Variants in RBM39 observed in about 807,000 individuals in gnomAD.
RBM39 encodes RNA-binding protein 39.
Under a neutral mutation model 79.6 loss-of-function variants are expected in RBM39, and 12 were observed. That is an observed-to-expected ratio of 0.15 (90% CI 0.10 to 0.24). The LOEUF (loss-of-function observed/expected upper bound fraction) is 0.24. RBM39 is among the 10% of genes least tolerant of loss of function. The pLI, the probability that RBM39 is intolerant of heterozygous loss-of-function variation, is 1.00. For missense variants in RBM39, 243 were observed against 653.4 expected, an observed-to-expected ratio of 0.37 and a Z score of 6.85; for synonymous variants, 185 against 208.4, an observed-to-expected ratio of 0.89 and a Z score of 0.97.
chr20:35,724,309 T>TGA (rs59788381), intron 8 of RBM39, among the ~76,000 whole-genome samples: 39,203 of 150,950 alleles, frequency 0.26, 5,896 homozygotes, highest in African/African-American at 0.43. Flanking sequence ...TCCAGCCTGG[T>TGA]GAGAGAGACT....
intron 10 of RBM39, 52 bp from the exon 11 acceptor site, chr20:35,714,441 A>G (rs2036850179): frequency 2.6e-6 from 4 of 1,510,660 alleles, no homozygotes; most frequent in Non-Finnish European, 3.5e-6. Flanking sequence ...TTTTTAAAAT[A>G]CAAACTATAC....
chr20:35,729,209 G>T, intron 6 of RBM39, 103 bp downstream of exon 6: 2 of 1,040,046 alleles, frequency 1.9e-6, no homozygotes, highest in East Asian at 2.6e-5. Context: ...GAAAGCAAAA[G>T]CAAGATTTAA....
chr20:35,705,554 T>C (rs1024896874), intron 14 of RBM39, among the ~76,000 whole-genome samples: 1 of 152,050 alleles, frequency 6.6e-6, no homozygotes, highest in African/African-American at 2.4e-5. Flanking sequence ...TCCCAGCACT[T>C]TGGGAGGCCG....
chr20:35,712,758 AT>A (rs1468827433), intron 12 of RBM39, among the ~76,000 whole-genome samples: 5 of 152,162 alleles, frequency 3.3e-5, no homozygotes, highest in Non-Finnish European at 5.9e-5. Flanking sequence ...AATAAAACTG[AT>A]ATATTTGAAA....
intron 3 of RBM39, among the ~76,000 whole-genome samples, chr20:35,733,607 C>CA (rs761338083): frequency 1.6e-4 from 21 of 128,734 alleles, no homozygotes; most frequent in African/African-American, 4.5e-4. Context: ...AGACTGTCTC[C>CA]AAAAAAAAAG....
intron 13 of RBM39, 71 bp downstream of exon 13, chr20:35,709,153 T>C (rs1448643622): frequency 1.2e-5 from 16 of 1,380,184 alleles, no homozygotes; most frequent in Middle Eastern, 1.9e-4. Context: ...ACAATAAATA[T>C]AGAAAACTGT....
intron 12 of RBM39, among the ~76,000 whole-genome samples, chr20:35,711,817 T>A (rs113189873): frequency 2.0e-5 from 3 of 152,146 alleles, no homozygotes; most frequent in African/African-American, 4.8e-5. Flanking sequence ...AAATCTATCT[T>A]CTCAGTTACA....
At chr20:35,731,818 T>C in intron 4 of RBM39, 123 bp downstream of exon 4, 1 of 934,530 alleles carries the variant, frequency 1.1e-6, no homozygotes, top group South Asian at 1.6e-5. Context: ...TATCCTTAAT[T>C]CAATACTTTT....
At chr20:35,733,296 A>C (rs6119647) in intron 3 of RBM39, among the ~76,000 whole-genome samples, 19 of 143,554 alleles carry the variant, frequency 1.3e-4, no homozygotes, top group Admixed American at 2.1e-4. Context: ...AGAGCAAAAC[A>C]CCATCTCAAA....
chr20:35,718,446 T>G (rs1449736109), intron 9 of RBM39, among the ~76,000 whole-genome samples: 4 of 151,978 alleles, frequency 2.6e-5, no homozygotes. Flanking sequence ...TGAGCTGACA[T>G]GGGCAGACTA....
At chr20:35,732,218 T>C in intron 3 of RBM39, 83 bp from the exon 4 acceptor site, 2 of 1,235,548 alleles carry the variant, frequency 1.6e-6, no homozygotes, top group Non-Finnish European at 2.3e-6. Context: ...GAATCATTTT[T>C]TCATCCTTTC....
intron 12 of RBM39, chr20:35,710,384 T>G (rs911443548): frequency 4.6e-5 from 7 of 152,166 alleles, no homozygotes; most frequent in Non-Finnish European, 8.8e-5. Context: ...ACAGTGTCAA[T>G]AAACTTTAAA....
chr20:35,717,594 G>A (rs1026767138), intron 9 of RBM39, among the ~76,000 whole-genome samples: 1 of 152,112 alleles, frequency 6.6e-6, no homozygotes, highest in Non-Finnish European at 1.5e-5. Flanking sequence ...ACAATTCTGT[G>A]AATTGTACTA....
intron 8 of RBM39, among the ~76,000 whole-genome samples, chr20:35,724,138 C>T (rs1458790102): frequency 6.6e-6 from 1 of 151,994 alleles, no homozygotes; most frequent in Non-Finnish European, 1.5e-5. Context: ...TCAATACTAG[C>T]CTGGCCAACA....
At chr20:35,739,341 G>A in intron 2 of RBM39, 1 of 454,882 alleles carries the variant, frequency 2.2e-6, no homozygotes, top group Non-Finnish European at 4.5e-6. Context: ...CATAAAACAT[G>A]AAGTCCTGTT....
intron 8 of RBM39, among the ~76,000 whole-genome samples, chr20:35,723,819 T>A (rs540799067): frequency 2.0e-5 from 3 of 152,250 alleles, no homozygotes; most frequent in South Asian, 4.1e-4. Context: ...GGCCAGAGGA[T>A]CACTTGAGCA....
rs924187678 is a variant in RBM39, at chr20:35,734,134, G to A, written c.102-1999C>T. The A allele has an allele frequency of 4.5e-6, 5 of 1,120,954 alleles. No individual in the cohort carries two copies. In the African/African-American group the frequency reaches 8.1e-5, roughly 18 times the overall value. The allele number at this position is 1,120,954 out of a possible 1,614,324, so 69.4% of individuals were successfully genotyped here. ...AACTGAGGTCTGCCTCAGAGAACCT[G>A]TAAGCAGGTCATCTTTAGAGTGCAT... On this transcript the variant is annotated intron_variant, in intron 3 of 16. Coordinates refer to ENST00000253363, the MANE Select transcript of RBM39 (RefSeq NM_184234.3).
chr20:35,719,694 G>A (rs2037655821), intron 9 of RBM39, among the ~76,000 whole-genome samples: 1 of 152,116 alleles, frequency 6.6e-6, no homozygotes, highest in Non-Finnish European at 1.5e-5. Flanking sequence ...TTAAGAAATA[G>A]TTTGACAAAT....
chr20:35,710,068 T>C (rs1229696248), intron 12 of RBM39, among the ~76,000 whole-genome samples: 1 of 152,206 alleles, frequency 6.6e-6, no homozygotes, highest in Non-Finnish European at 1.5e-5. Flanking sequence ...AGTGAAACAG[T>C]AGCAAGTCTG....
Sources: allele counts gnomAD v4.1 joint callset (sites outside exome capture counted in the v4.1 genomes callset), GRCh38; gene constraint gnomAD v4.1.1; transcripts MANE v1.5; gene names NCBI Gene and HGNC (gene_info 2026-07-23, HGNC 2026-07-21).